The following DOCK4 variants were observed in gnomAD, a reference collection of about 807,000 sequenced individuals.
DOCK4 encodes dedicator of cytokinesis 4.
In DOCK4, 97 loss-of-function variants were observed where a neutral mutation model predicts 268.1. That is an observed-to-expected ratio of 0.36 (90% confidence interval 0.31 to 0.43). The LOEUF is 0.43. Ranked by LOEUF, DOCK4 falls within the 20% of genes least tolerant of loss-of-function variation. The probability of loss-of-function intolerance (pLI) is 1.00; values close to 1 mark genes in which losing one functional copy is unlikely to be tolerated. For missense variants in DOCK4, 2,145 were observed against 2,455.7 expected (o/e 0.87, Z 2.67); for synonymous variants, 954 against 887.2 (o/e 1.08, Z -1.34).
chr7:112,138,374 G>A (rs748607176), intron 1 of DOCK4, among the ~76,000 whole-genome samples: 1 of 152,160 alleles, frequency 6.6e-6, no homozygotes, highest in Non-Finnish European at 1.5e-5. Context: ...CATACATATG[G>A]TATGGGAGGA....
At chr7:111,979,989 AG>A (rs1234475640) in intron 7 of DOCK4, among the ~76,000 whole-genome samples, 1 of 152,204 alleles carries the variant, frequency 6.6e-6, no homozygotes, top group Non-Finnish European at 1.5e-5. Context: ...TAGTTTTAAA[AG>A]CTCCCCAGGT....
chr7:111,855,329 TG>T (rs1804911338), intron 23 of DOCK4, among the ~76,000 whole-genome samples: 1 of 151,688 alleles, frequency 6.6e-6, no homozygotes, highest in East Asian at 1.9e-4. Context: ...GAGGAGGCAG[TG>T]GGGGTGTGGA....
chr7:111,800,875 T>A lies in DOCK4; in HGVS notation c.3166+7946A>T, dbSNP rs537387515. 1.2e-3 allele frequency among the ~76,000 whole-genome samples: 177 copies of A among 152,160 alleles called. 2 individuals are homozygous for A. The highest frequency in any genetic ancestry group is 3.8e-3 in the African/African-American group (157 of 41,508). ...CCCCCTAACAGCAGTTAGGTTTACG[T>A]CTCTTTAAAGGGGGAATAATACAGG... On this transcript the variant is annotated intron_variant, in intron 30 of 52. Coordinates refer to ENST00000428084, the MANE Select transcript of DOCK4 (RefSeq NM_001363540.2).
intron 13 of DOCK4, among the ~76,000 whole-genome samples, chr7:111,911,972 A>G (rs1411140805): frequency 6.6e-6 from 1 of 152,166 alleles, no homozygotes; most frequent in East Asian, 1.9e-4. Context: ...ACAGTTCTAT[A>G]AACAGTCATT....
chr7:111,780,662 A>G (rs978109899), intron 35 of DOCK4, among the ~76,000 whole-genome samples: 2 of 152,226 alleles, frequency 1.3e-5, no homozygotes, highest in Non-Finnish European at 2.9e-5. Flanking sequence ...TTTTAAAACC[A>G]ATTTAACCCC....
intron 51 of DOCK4, among the ~76,000 whole-genome samples, chr7:111,733,571 A>C (rs1795260760): frequency 6.6e-6 from 1 of 152,148 alleles, no homozygotes; most frequent in South Asian, 2.1e-4. Context: ...CGGTGGTAGA[A>C]AGTTGATTGT....
intron 1 of DOCK4, among the ~76,000 whole-genome samples, chr7:112,152,244 T>C (rs1411714949): frequency 1.3e-5 from 2 of 152,202 alleles, no homozygotes; most frequent in African/African-American, 4.8e-5. Context: ...CAGAGAGTAT[T>C]AGCATTCAAC....
chr7:111,969,265 A>G (rs1444204826), intron 8 of DOCK4, among the ~76,000 whole-genome samples: 6 of 151,994 alleles, frequency 3.9e-5, no homozygotes, highest in African/African-American at 7.3e-5. Context: ...GAAAAAAAAA[A>G]AGAATGTTTT....
chr7:111,760,281 C>G lies in DOCK4; in HGVS notation c.4062G>C (p.Leu1354=). 6.2e-7 allele frequency: 1 copy of G among 1,613,954 alleles called. No homozygotes were observed. Among genetic ancestry groups the G allele is most frequent in the Non-Finnish European group, 8.5e-7 (1 of 1,179,886 alleles). ...TCAGCATTCTCTGTTGGAAGGCTTC[C>G]AGCCTCTCGTAGTCATGCCCTCGAC... ...FVCRGHDYER[L]EAFQQRMLNE... Residue 1354 remains leucine, a synonymous_variant, in exon 40 of 53, where the codon CTG becomes CTC. Transcript: ENST00000428084.
intron 1 of DOCK4, among the ~76,000 whole-genome samples, chr7:112,136,331 G>T (rs189093817): frequency 6.6e-6 from 1 of 152,216 alleles, no homozygotes; most frequent in Non-Finnish European, 1.5e-5. Context: ...TCCCAGAGTA[G>T]CTTGTAAATC....
At chr7:112,028,118 G>T (rs1292338339) in intron 1 of DOCK4, among the ~76,000 whole-genome samples, 1 of 152,178 alleles carries the variant, frequency 6.6e-6, no homozygotes, top group East Asian at 1.9e-4. Context: ...AGCCATCTAG[G>T]GAGCAACTGG....
At chr7:112,161,540 C>G (rs1817128990) in intron 1 of DOCK4, among the ~76,000 whole-genome samples, 1 of 152,128 alleles carries the variant, frequency 6.6e-6, no homozygotes, top group Admixed American at 6.5e-5. Flanking sequence ...TTGTGTCAAC[C>G]TGTGAAACAC....
chr7:112,010,372 G>A (rs912144955), intron 1 of DOCK4, among the ~76,000 whole-genome samples: 1 of 152,164 alleles, frequency 6.6e-6, no homozygotes, highest in African/African-American at 2.4e-5. Context: ...GTATAGCATA[G>A]AACTGTTTTT....
intron 6 of DOCK4, among the ~76,000 whole-genome samples, chr7:111,987,692 C>A (rs746719169): frequency 2.0e-5 from 3 of 152,138 alleles, no homozygotes; most frequent in Non-Finnish European, 2.9e-5. Context: ...CGCCCTTGTG[C>A]TTTTTCTAGT....
chr7:111,939,847 A>C (rs1395807914), intron 11 of DOCK4, among the ~76,000 whole-genome samples: 1 of 152,220 alleles, frequency 6.6e-6, no homozygotes, highest in African/African-American at 2.4e-5. Context: ...TATAAATTCA[A>C]AGGTGGTATC....
intron 1 of DOCK4, among the ~76,000 whole-genome samples, chr7:112,199,766 C>A (rs1820756790): frequency 6.6e-6 from 1 of 152,194 alleles, no homozygotes; most frequent in Non-Finnish European, 1.5e-5. Flanking sequence ...TATCTTTACT[C>A]TTCTGTTATA....
intron 2 of DOCK4, 70 bp downstream of exon 2, chr7:112,003,978 C>T (rs190677355): frequency 1.5e-5 from 17 of 1,167,332 alleles, no homozygotes; most frequent in East Asian, 1.4e-4. Context: ...AGATTAATAG[C>T]GGTATGGACA....
In DOCK4 at chr7:111,728,176, G is replaced by GAGTA; in HGVS notation, c.*94_*97dup. 1.1e-6 allele frequency: 1 copy of GAGTA among 880,906 alleles called. No homozygotes were observed. The highest frequency in any genetic ancestry group is 1.5e-6 in the Non-Finnish European group (1 of 645,830). The allele number at this position is 880,906 out of a possible 1,614,324, so 54.6% of individuals were successfully genotyped here. ...TTTAATTCCATTCATCGAAGGAGCT[G>GAGTA]AGTAAGTTATTAAAGTGCCTACACT... On this transcript the variant is annotated 3_prime_UTR_variant, in exon 53 of 53. Coordinates refer to ENST00000428084, the MANE Select transcript of DOCK4 (RefSeq NM_001363540.2).
At chr7:111,766,923 C>G (rs1202396134) in intron 38 of DOCK4, 109 bp downstream of exon 38, 2 of 790,138 alleles carry the variant, frequency 2.5e-6, no homozygotes, top group Non-Finnish European at 4.2e-6. Flanking sequence ...GAGGATTTAT[C>G]TTAAAAAGGG....
Sources: gnomAD v4.1 joint callset for allele counts (sites outside exome capture counted in the v4.1 genomes callset) on GRCh38, gnomAD v4.1.1 for gene constraint, MANE v1.5 for transcripts, NCBI Gene and HGNC (gene_info 2026-07-23, HGNC 2026-07-21) for gene names.